XYLT1: variants seen among roughly 807,000 people sequenced by gnomAD.
The protein encoded by XYLT1 is beta-D-xylosyltransferase 1.
A neutral mutation model predicts 91.3 loss-of-function variants in XYLT1; 36 were observed. The observed-to-expected ratio is 0.39, with a 90% CI of 0.30 to 0.52. XYLT1 has a LOEUF of 0.52. XYLT1 is among the 20% of genes least tolerant of loss of function. XYLT1 has a pLI of 0.68. For synonymous variants in XYLT1, 588 were observed against 532.0 expected, an observed-to-expected ratio of 1.11 and a Z score of -1.45; for missense variants, 1,242 against 1,284.5, an observed-to-expected ratio of 0.97 and a Z score of 0.51.
chr16:17,254,996 C>CTTTT (rs34553607), intron 3 of XYLT1, among the ~76,000 whole-genome samples: 7 of 113,350 alleles, frequency 6.2e-5, no homozygotes, highest in Admixed American at 9.5e-5. Flanking sequence ...TTTTCTTTTT[C>CTTTT]TTTTTTTTTT....
Position 17,358,040 on chromosome 16 carries a change from G to A in XYLT1, c.374C>T (p.Pro125Leu). 6.2e-7 allele frequency: 1 copy of A among 1,613,702 alleles called. No individual in the cohort carries two copies. Among genetic ancestry groups the A allele is most frequent in the South Asian group, 1.1e-5 (1 of 91,010 alleles). ...AGTCTCCAGGGTGATGAGCGGACTT[G>A]GGTGTGGATCCTGTAGGATGAAAGG... ...ALPARALDPHPSPLITLETQD... is the reference protein window; with the variant it reads ...ALPARALDPHLSPLITLETQD... The change falls in exon 2 of 12, where the codon CCA becomes CTA. Residue 125 changes from proline to leucine, a missense_variant. Around this residue, in one of 3 missense-constraint regions of XYLT1, gnomAD observed 437 missense variants for 411.5 expected, o/e 1.06. Transcript: ENST00000261381.
At chr16:17,313,652 G>A (rs1172100484) in intron 2 of XYLT1, among the ~76,000 whole-genome samples, 1 of 151,290 alleles carries the variant, frequency 6.6e-6, no homozygotes, top group Non-Finnish European at 1.5e-5. Context: ...GCAAGAAAAG[G>A]TTTCCTTTCA....
chr16:17,177,959 C>T (rs758359834), intron 5 of XYLT1, among the ~76,000 whole-genome samples: 12 of 152,286 alleles, frequency 7.9e-5, no homozygotes, highest in African/African-American at 2.6e-4. Context: ...CTGAAATCAA[C>T]GAGTCTCAGG....
At chr16:17,207,346 C>G (rs1252208672) in intron 3 of XYLT1, among the ~76,000 whole-genome samples, 4 of 152,156 alleles carry the variant, frequency 2.6e-5, no homozygotes, top group African/African-American at 9.7e-5. Context: ...AGGCGTGAGC[C>G]ACAGCGCCTA....
chr16:17,113,773 T>C (rs1466018103), intron 11 of XYLT1, among the ~76,000 whole-genome samples: 1 of 152,248 alleles, frequency 6.6e-6, no homozygotes, highest in African/African-American at 2.4e-5. Flanking sequence ...CATGCTTCAG[T>C]CATGGGTAAC....
At chr16:17,256,660 C>CAAAAAAAAAAAA (rs397820604) in intron 3 of XYLT1, among the ~76,000 whole-genome samples, 2 of 147,154 alleles carry the variant, frequency 1.4e-5, no homozygotes, top group African/African-American at 5.1e-5. Context: ...AAAAAAAAAA[C>CAAAAAAAAAAAA]AAAAAAAAGA....
At chr16:17,337,784 T>C (rs890644168) in intron 2 of XYLT1, among the ~76,000 whole-genome samples, 2 of 145,196 alleles carry the variant, frequency 1.4e-5, no homozygotes, top group Non-Finnish European at 3.0e-5. Context: ...TCTTTTTCTT[T>C]TTTTTTTTTT....
chr16:17,270,720 C>A (rs1268047666), intron 2 of XYLT1, among the ~76,000 whole-genome samples: 1 of 152,174 alleles, frequency 6.6e-6, no homozygotes, highest in East Asian at 1.9e-4. Context: ...AAAAGTAGGT[C>A]AGGGGTCAGC....
intron 3 of XYLT1, among the ~76,000 whole-genome samples, chr16:17,207,051 TC>T (rs1156353110): frequency 2.7e-3 from 262 of 98,622 alleles, no homozygotes; most frequent in African/African-American, 0.016. Flanking sequence ...TTCTTTTCTT[TC>T]TTTTTTTTTT....
At chr16:17,176,834 CT>C (rs67345327) in intron 5 of XYLT1, among the ~76,000 whole-genome samples, 18,339 of 147,212 alleles carry the variant, frequency 0.12, 1,238 homozygotes, top group Middle Eastern at 0.17. Flanking sequence ...CAGTCCTCTA[CT>C]TTTTTTTTTT....
intron 1 of XYLT1, among the ~76,000 whole-genome samples, chr16:17,410,493 T>C (rs2036093668): frequency 6.6e-6 from 1 of 152,072 alleles, no homozygotes; most frequent in Non-Finnish European, 1.5e-5. Context: ...ATGAGACTCA[T>C]TCACTATCAC....
intron 1 of XYLT1, among the ~76,000 whole-genome samples, chr16:17,360,362 G>C (rs1196815670): frequency 2.6e-5 from 4 of 152,150 alleles, no homozygotes; most frequent in Non-Finnish European, 5.9e-5. Context: ...CAACTGTGTT[G>C]ACAAAATCAA....
chr16:17,168,007 A>C (rs528184290), intron 5 of XYLT1, among the ~76,000 whole-genome samples: 2 of 152,230 alleles, frequency 1.3e-5, no homozygotes, highest in African/African-American at 2.4e-5. Context: ...CCACTGGAAA[A>C]ATCAGGGAAG....
At chr16:17,334,307 T>C (rs1007103248) in intron 2 of XYLT1, among the ~76,000 whole-genome samples, 1 of 152,180 alleles carries the variant, frequency 6.6e-6, no homozygotes, top group African/African-American at 2.4e-5. Context: ...TGCCTCATGA[T>C]TGACAAACTG....
intron 3 of XYLT1, among the ~76,000 whole-genome samples, chr16:17,210,492 G>C (rs946349667): frequency 2.0e-5 from 3 of 152,286 alleles, no homozygotes; most frequent in African/African-American, 7.2e-5. Flanking sequence ...CAGGAGAATT[G>C]CTTGAACCCA....
intron 2 of XYLT1, among the ~76,000 whole-genome samples, chr16:17,351,700 C>T (rs1032265982): frequency 6.6e-6 from 1 of 150,452 alleles, no homozygotes; most frequent in African/African-American, 2.5e-5. Context: ...AACGAAGTTA[C>T]TCCAGGGTTT....
intron 10 of XYLT1, among the ~76,000 whole-genome samples, chr16:17,121,206 C>T (rs1007076446): frequency 6.6e-6 from 1 of 152,198 alleles, no homozygotes; most frequent in African/African-American, 2.4e-5. Flanking sequence ...GATGGGAACC[C>T]TCCAGAACAC....
intron 1 of XYLT1, among the ~76,000 whole-genome samples, chr16:17,442,531 T>G (rs1251948367): frequency 1.3e-5 from 2 of 152,126 alleles, no homozygotes; most frequent in African/African-American, 4.8e-5. Context: ...CCCCACATAT[T>G]TAAGTTGAGG....
chr16:17,308,318 T>C (rs1021606845), intron 2 of XYLT1, among the ~76,000 whole-genome samples: 2 of 152,172 alleles, frequency 1.3e-5, no homozygotes, highest in Non-Finnish European at 2.9e-5. Flanking sequence ...CCTTTGGGCC[T>C]CAAAAGCATG....
Sources: gnomAD v4.1 joint callset for allele counts (sites outside exome capture counted in the v4.1 genomes callset) on GRCh38, gnomAD v4.1.1 for gene constraint, gnomAD v4.1.1 regional missense constraint, MANE v1.5 for transcripts, NCBI Gene and HGNC (gene_info 2026-07-23, HGNC 2026-07-21) for gene names.